The following YAE1 variants were observed in gnomAD, a reference collection of about 807,000 sequenced individuals.
YAE1 encodes the protein protein YAE1 homolog.
YAE1 carries 22 observed loss-of-function variants against 23.0 expected under a neutral mutation model. The observed-to-expected ratio is 0.96, with a 90% CI of 0.68 to 1.37. The LOEUF is 1.37. Among genes scored for constraint, YAE1 ranks in the 40% most tolerant of loss-of-function variants. YAE1 has a pLI of 0.00. For synonymous variants in YAE1, 101 were observed against 97.0 expected (o/e 1.04, Z -0.24); for missense variants, 260 against 262.1 (o/e 0.99, Z 0.06).
intron 2 of YAE1, among the ~76,000 whole-genome samples, chr7:39,588,943 C>T (rs1288809531): frequency 6.6e-6 from 1 of 152,046 alleles, no homozygotes. Flanking sequence ...CTGCCTCAGC[C>T]TCCTGAATAG....
downstream of YAE1, among the ~76,000 whole-genome samples, chr7:39,573,405 G>A (rs1790605416): frequency 6.6e-6 from 1 of 152,166 alleles, no homozygotes; most frequent in Non-Finnish European, 1.5e-5. Flanking sequence ...TTAAACTGCA[G>A]TATATTTCAT....
At chr7:39,569,896 T>G (rs896119534) in intron 1 of YAE1, 33 of 1,129,580 alleles carry the variant, frequency 2.9e-5, no homozygotes, top group Non-Finnish European at 4.3e-5. Context: ...TGATAAATAG[T>G]AGGAAGAACA....
intron 2 of YAE1, among the ~76,000 whole-genome samples, chr7:39,583,036 A>G (rs1437619419): frequency 6.6e-6 from 1 of 152,244 alleles, no homozygotes; most frequent in Non-Finnish European, 1.5e-5. Flanking sequence ...AAAAACTTGC[A>G]GCGCAAAGCT....
intron 2 of YAE1, among the ~76,000 whole-genome samples, chr7:39,580,173 G>A (rs770694662): frequency 9.9e-5 from 15 of 152,198 alleles, no homozygotes; most frequent in Non-Finnish European, 1.8e-4. Context: ...TGTAGAAAGT[G>A]GTTTAGCACA....
intron 2 of YAE1, among the ~76,000 whole-genome samples, chr7:39,584,766 C>A (rs1790791239): frequency 6.6e-6 from 1 of 152,132 alleles, no homozygotes; most frequent in Non-Finnish European, 1.5e-5. Flanking sequence ...GGCCAGTAAT[C>A]CCAGCACTAT....
chr7:39,577,845 G>A, downstream of YAE1, among the ~76,000 whole-genome samples: 1 of 152,270 alleles, frequency 6.6e-6, no homozygotes, highest in East Asian at 1.9e-4. Flanking sequence ...TCCACGAGGT[G>A]AAGCCAGCTG....
intron 1 of YAE1, 110 bp from the exon 2 acceptor site, chr7:39,570,396 C>A: frequency 7.8e-7 from 1 of 1,286,294 alleles, no homozygotes; most frequent in Non-Finnish European, 1.1e-6. Context: ...TGGTCAGTAA[C>A]ACAGTAAAGG....
chr7:39,608,038 C>T (rs1791156001), intron 2 of YAE1, among the ~76,000 whole-genome samples: 1 of 152,160 alleles, frequency 6.6e-6, no homozygotes, highest in South Asian at 2.1e-4. Context: ...CCTTAATAGC[C>T]TTCAGGCCAA....
At chr7:39,604,287 C>T (rs1791097062) in intron 2 of YAE1, among the ~76,000 whole-genome samples, 1 of 152,202 alleles carries the variant, frequency 6.6e-6, no homozygotes, top group South Asian at 2.1e-4. Context: ...GTTTCTTACA[C>T]ATCTAATTGG....
chr7:39,609,851 C>A (rs1423678972), exon 3 of YAE1: 9 of 1,533,474 alleles, frequency 5.9e-6, no homozygotes, highest in Admixed American at 2.0e-5. Flanking sequence ...CGCCGAGCCA[C>A]CGCCGGCGTT....
intron 2 of YAE1, among the ~76,000 whole-genome samples, chr7:39,594,795 C>A (rs1790952974): frequency 6.6e-6 from 1 of 152,090 alleles, no homozygotes; most frequent in South Asian, 2.1e-4. Context: ...GGGCTTTCAC[C>A]ATGTGGGCCA....
intron 1 of YAE1, chr7:39,569,849 T>G: frequency 1.2e-6 from 1 of 868,730 alleles, no homozygotes; most frequent in East Asian, 2.4e-5. Context: ...TCTGAGTCCT[T>G]GGACCCTGAG....
intron 2 of YAE1, among the ~76,000 whole-genome samples, chr7:39,592,747 A>G (rs1313826420): frequency 6.6e-6 from 1 of 152,186 alleles, no homozygotes; most frequent in Non-Finnish European, 1.5e-5. Flanking sequence ...TCCTGTCTAC[A>G]ATGTGCTGCT....
At chr7:39,580,870 A>G (rs1443170009) in intron 2 of YAE1, among the ~76,000 whole-genome samples, 2 of 152,212 alleles carry the variant, frequency 1.3e-5, no homozygotes, top group Non-Finnish European at 2.9e-5. Flanking sequence ...CCTGTTCAAA[A>G]GAAAAAAGCA....
At chr7:39,599,750 T>A (rs2115839489) in intron 2 of YAE1, among the ~76,000 whole-genome samples, 1 of 152,108 alleles carries the variant, frequency 6.6e-6, no homozygotes, top group East Asian at 1.9e-4. Flanking sequence ...TTATTTATTT[T>A]TGGGATGGAG....
At chr7:39,598,213 G>A (rs186438793) in intron 2 of YAE1, among the ~76,000 whole-genome samples, 1 of 151,882 alleles carries the variant, frequency 6.6e-6, no homozygotes, top group Admixed American at 6.6e-5. Context: ...AGGTTCAAGC[G>A]ATTCTCCTGC....
intron 2 of YAE1, among the ~76,000 whole-genome samples, chr7:39,571,177 G>A (rs1485487440): frequency 1.3e-5 from 2 of 151,938 alleles, no homozygotes; most frequent in Admixed American, 1.3e-4. Context: ...ATCACATGTG[G>A]CCCAGGACGG....
intron 1 of YAE1, 45 bp downstream of exon 1, chr7:39,566,592 G>A (rs747646292): frequency 3.7e-6 from 6 of 1,609,054 alleles, no homozygotes; most frequent in East Asian, 2.2e-5. Flanking sequence ...TGTGGGAAGA[G>A]GCGCGGAGTT....
chr7:39,572,789 A>G lies in YAE1; in HGVS notation c.*83A>G. ...CGAAATTTGTACTGGTTTCTGCATC[A>G]AACACCTCAACTGTAGGGTTACCCT... On this transcript the variant is annotated 3_prime_UTR_variant, in exon 3 of 3. Coordinates refer to ENST00000223273, the MANE Select transcript of YAE1 (RefSeq NM_020192.5). The G allele has an allele frequency of 2.7e-6, 4 of 1,490,796 alleles. No homozygotes were observed. In the East Asian group the frequency reaches 9.4e-5, roughly 35 times the overall value. The allele number at this position is 1,490,796 out of a possible 1,614,324, so 92.3% of individuals were successfully genotyped here.
Sources: allele counts gnomAD v4.1 joint callset (sites outside exome capture counted in the v4.1 genomes callset), GRCh38; gene constraint gnomAD v4.1.1; transcripts MANE v1.5; gene names NCBI Gene and HGNC (gene_info 2026-07-23, HGNC 2026-07-21).